IFT140: variants seen among roughly 807,000 people sequenced by gnomAD.
IFT140 encodes intraflagellar transport 140.
Under a neutral mutation model 164.6 loss-of-function variants are expected in IFT140, and 133 were observed. That is an observed-to-expected ratio of 0.81 (90% CI 0.70 to 0.93). IFT140 has a LOEUF of 0.93. Ranked by LOEUF, IFT140 falls within the 40% of genes least tolerant of loss-of-function variation. The probability of loss-of-function intolerance (pLI) is 0.00; values close to 1 mark genes in which losing one functional copy is unlikely to be tolerated. For missense variants in IFT140, 2,045 were observed against 1,972.3 expected (o/e 1.04, Z -0.70); for synonymous variants, 860 against 817.3 (o/e 1.05, Z -0.89).
chr16:1,584,637 G>A (rs927450700), intron 10 of IFT140, among the ~76,000 whole-genome samples: 5 of 152,136 alleles, frequency 3.3e-5, no homozygotes, highest in African/African-American at 1.2e-4. Context: ...GATGCTCAAG[G>A]GTTGTGATTG....
chr16:1,514,953 G>A (rs2040297471), intron 30 of IFT140, among the ~76,000 whole-genome samples: 1 of 152,044 alleles, frequency 6.6e-6, no homozygotes, highest in Non-Finnish European at 1.5e-5. Flanking sequence ...AAATTCTAGG[G>A]CTGCAAAATA....
At chr16:1,566,359 G>T in intron 15 of IFT140, 68 bp from the exon 16 acceptor site, 1 of 1,529,398 alleles carries the variant, frequency 6.5e-7, no homozygotes, top group Non-Finnish European at 9.0e-7. Flanking sequence ...GGCTGTGCTA[G>T]GGGACTGACA....
intron 19 of IFT140, chr16:1,541,303 G>C: frequency 1.0e-6 from 1 of 985,300 alleles, no homozygotes; most frequent in African/African-American, 1.7e-5. Context: ...GGGGGGCACT[G>C]GTTCAGACCC....
In IFT140 at chr16:1,586,732, G is replaced by C. The variant is rs950870982; in HGVS notation, c.1010-457C>G. Among the ~76,000 whole-genome samples the C allele has an allele frequency of 1.1e-4, 16 of 152,268 alleles. 1 individual carries two copies. The highest frequency in any genetic ancestry group is 8.3e-4 in the South Asian group (4 of 4,826). ...AATCGGTTTGCTTCTTGTTAGATGGGGTCACGCTCTGTCACACAGACTGGA... is the reference window on the plus strand; with the variant it reads ...AATCGGTTTGCTTCTTGTTAGATGGCGTCACGCTCTGTCACACAGACTGGA... On this transcript the variant is annotated intron_variant, in intron 9 of 30. Transcript: ENST00000426508.
intron 3 of IFT140, among the ~76,000 whole-genome samples, chr16:1,602,937 C>A (rs2035871030): frequency 6.6e-6 from 1 of 152,160 alleles, no homozygotes; most frequent in African/African-American, 2.4e-5. Context: ...AAGACTCTGT[C>A]TCCAAAAACA....
rs763621164 is a variant in IFT140 at position 1,524,613 on chromosome 16, C to T, written c.3080G>A (p.Gly1027Glu). ...CCGGGTGTAGAAGTGCACCGCCTGC[C>T]CGACCTCCTCCTGGCTCTCGTACTG... ...ARQYESQEEVGQAVHFYTRAQ... is the reference protein window; with the variant it reads ...ARQYESQEEVEQAVHFYTRAQ... Residue 1027 changes from glycine to glutamate, a missense_variant, in exon 24 of 31, where the codon GGG becomes GAG. Transcript: ENST00000426508. 1.9e-6 allele frequency: 3 copies of T among 1,604,596 alleles called. No individual in the cohort carries two copies. Among genetic ancestry groups the T allele is most frequent in the South Asian group, 1.1e-5 (1 of 90,570 alleles).
intron 13 of IFT140, among the ~76,000 whole-genome samples, chr16:1,575,448 G>C (rs150343471): frequency 3.3e-4 from 51 of 152,246 alleles, no homozygotes; most frequent in Middle Eastern, 3.4e-3. Context: ...CCACGCTCAG[G>C]AGGCTGAGGT....
At chr16:1,607,744 A>G (rs2142107559) in intron 2 of IFT140, among the ~76,000 whole-genome samples, 1 of 152,306 alleles carries the variant, frequency 6.6e-6, no homozygotes, top group East Asian at 1.9e-4. Flanking sequence ...CCTGGGCTCA[A>G]GTGATCCTCC....
chr16:1,571,466 C>A lies in IFT140; in HGVS notation c.1593G>T (p.Gly531=), dbSNP rs143491016. Residue 531 remains glycine, a synonymous_variant, in exon 14 of 31, where the codon GGG becomes GGT. Coordinates refer to ENST00000426508, the MANE Select transcript of IFT140 (RefSeq NM_014714.4). ...AGTCTGTCCCTACAACCAGGAAATTCCCACAGATGTCCAAGAAGCAGGGAT... is the reference window on the plus strand; with the variant it reads ...AGTCTGTCCCTACAACCAGGAAATTACCACAGATGTCCAAGAAGCAGGGAT... ...EGNPCFLDIC[G]NFLVVGTDLA... The A allele has an allele frequency of 6.7e-4, 1,084 of 1,614,104 alleles. 2 individuals carry two copies. The highest frequency in any genetic ancestry group is 7.8e-4 in the Non-Finnish European group (925 of 1,179,982).
intron 2 of IFT140, 182 bp downstream of exon 2, chr16:1,610,482 C>T (rs1196776901): frequency 6.5e-6 from 1 of 154,288 alleles, no homozygotes; most frequent in African/African-American, 2.4e-5. Context: ...GACCTGGACC[C>T]CGCGCCAAGC....
Position 1,586,161 on chromosome 16 carries a change from G to A in IFT140, c.1124C>T (p.Thr375Ile), listed in dbSNP as rs777159234. ...GKDRWALQTPTELQGNITQIQ... is the reference protein window; with the variant it reads ...GKDRWALQTPIELQGNITQIQ... ...TTGCGTGATGTTTCCTTGGAGCTCG[G>A]TAGGGGTCTGAAGGGCCCACCTGTC... is the stretch of plus-strand genomic sequence containing the variant. The change falls in exon 10 of 31, where the codon ACC becomes ATC. Residue 375 changes from threonine (T) to isoleucine (I), a missense_variant. Transcript: ENST00000426508. 2 of 1,613,834 alleles carry A rather than the reference G, an allele frequency of 1.2e-6. No homozygotes were observed. The highest frequency in any genetic ancestry group is 1.7e-5 in the Admixed American group (1 of 60,012).
rs771294438 is a variant in IFT140, at chr16:1,602,579, G to A, written c.160C>T (p.Pro54Ser). ...AACGGCCTCTCGACGTGTGTATCTG[G>A]CACGCACTCCCCCTGCATTGGATGA... ...DIYLEQGECV[P>S]DTHVERPFRV... Residue 54 changes from proline (P) to serine (S), a missense_variant, in exon 4 of 31, where the codon CCA becomes TCA. By Grantham distance (74) the Pro-to-Ser change is moderately conservative. Coordinates refer to ENST00000426508, the MANE Select transcript of IFT140 (RefSeq NM_014714.4). 65 of 1,611,840 alleles carry A rather than the reference G, an allele frequency of 4.0e-5. 3 individuals are homozygous for A. The South Asian group carries it at 7.0e-4, about 17-fold the overall frequency.
chr16:1,525,756 G>A (rs577791173), intron 21 of IFT140, 131 bp downstream of exon 21: 1 of 965,774 alleles, frequency 1.0e-6, no homozygotes, highest in African/African-American at 1.6e-5. Context: ...TGCCGAGAAG[G>A]CTGCCACCAC....
intron 2 of IFT140, among the ~76,000 whole-genome samples, chr16:1,609,091 G>T (rs958041466): frequency 6.6e-6 from 1 of 152,052 alleles, no homozygotes; most frequent in Non-Finnish European, 1.5e-5. Flanking sequence ...GGAGGCGGAG[G>T]TTGCAGTGAG....
intron 13 of IFT140, chr16:1,580,416 G>T: frequency 4.7e-6 from 1 of 211,888 alleles, no homozygotes; most frequent in Non-Finnish European, 9.6e-6. Context: ...TGTGTTCTGT[G>T]ATAGAGATCT....
intron 19 of IFT140, among the ~76,000 whole-genome samples, chr16:1,544,732 T>G (rs1419953538): frequency 6.6e-6 from 1 of 151,824 alleles, no homozygotes; most frequent in Non-Finnish European, 1.5e-5. Context: ...CACTGCAAGC[T>G]CCGCCTCCCG....
intron 19 of IFT140, chr16:1,555,605 C>T (rs17135391): frequency 0.27 from 41,352 of 152,354 alleles, 6,232 homozygotes; most frequent in African/African-American, 0.4. Context: ...ATCTATACTG[C>T]GACATGGCTG....
Position 1,593,483 on chromosome 16 carries a change from T to C in IFT140, c.370-895A>G, listed in dbSNP as rs1469445654. Among the ~76,000 whole-genome samples the C allele has an allele frequency of 3.3e-5, 5 of 152,174 alleles. No homozygotes were observed. In the East Asian group the frequency reaches 9.7e-4, roughly 30 times the overall value. ...CATGCCACCACACCCAGCTAATTTT[T>C]GTATTTTTAGTAGAGACAGGGTTTC... On this transcript the variant is annotated intron_variant, in intron 4 of 30. Coordinates refer to ENST00000426508, the MANE Select transcript of IFT140 (RefSeq NM_014714.4).
Position 1,589,217 on chromosome 16 carries a change from T to C in IFT140, c.810+388A>G, listed in dbSNP as rs541763170. 2.6e-5 allele frequency among the ~76,000 whole-genome samples: 4 copies of C among 152,334 alleles called. No individual in the cohort carries two copies. The East Asian group carries it at 7.7e-4, about 29-fold the overall frequency. ...GTGGCCTCCAAGGAGCAGGGATTCC[T>C]GTGGAACAAACCAGCTGGAAGACGG... On this transcript the variant is annotated intron_variant, in intron 7 of 30. Transcript: ENST00000426508.
Sources: allele counts gnomAD v4.1 joint callset (sites outside exome capture counted in the v4.1 genomes callset), GRCh38; gene constraint gnomAD v4.1.1; transcripts MANE v1.5; gene names NCBI Gene and HGNC (gene_info 2026-07-23, HGNC 2026-07-21).